Variants in GTF3C1 observed in about 807,000 individuals in gnomAD.
GTF3C1 encodes general transcription factor IIIC subunit 1, also known as general transcription factor 3C polypeptide 1.
GTF3C1 carries 57 observed loss-of-function variants against 226.7 expected under a neutral mutation model. The observed-to-expected ratio is 0.25, with a 90% CI of 0.20 to 0.31. GTF3C1 has a LOEUF of 0.31. GTF3C1 is among the 10% of genes least tolerant of loss of function. GTF3C1 has a pLI of 1.00. For synonymous variants in GTF3C1, 1,090 were observed against 1,084.8 expected, an observed-to-expected ratio of 1.00 and a Z score of -0.09; for missense variants, 2,217 against 2,776.1, an observed-to-expected ratio of 0.80 and a Z score of 4.53.
rs774885386 is a variant in GTF3C1 at position 27,533,357 on chromosome 16, C to T, written c.783G>A (p.Lys261=). 8 of 1,607,632 alleles carry T rather than the reference C, an allele frequency of 5.0e-6. No homozygotes were observed. The African/African-American group carries it at 8.0e-5, about 16-fold the overall frequency. The stretch of plus-strand genomic sequence containing the variant: ...TCCGTGTGCTCAGCATGACCGAAAG[C>T]TTCTCCATGAGGATGTCGTATTTGC... ...RRSKYDILME[K]LSVMLSTRTN... is the part of the protein sequence containing the mutation. Residue 261 remains lysine (K), a synonymous_variant, in exon 5 of 37, where the codon AAG becomes AAA. Coordinates refer to ENST00000356183, the MANE Select transcript of GTF3C1 (RefSeq NM_001520.4).
At chr16:27,542,476 G>A (rs1432609059) in intron 2 of GTF3C1, among the ~76,000 whole-genome samples, 1 of 151,800 alleles carries the variant, frequency 6.6e-6, no homozygotes, top group Non-Finnish European at 1.5e-5. Flanking sequence ...CAGGAGAATC[G>A]CTTTAACCTG....
At chr16:27,506,709 T>C (rs2088490462) in intron 9 of GTF3C1, 138 bp downstream of exon 9, 3 of 609,798 alleles carry the variant, frequency 4.9e-6, no homozygotes, top group Non-Finnish European at 5.8e-6. Context: ...GATGATGTGG[T>C]ACAAGTGACA....
chr16:27,539,137 C>T (rs530358283), intron 2 of GTF3C1, among the ~76,000 whole-genome samples: 1 of 151,352 alleles, frequency 6.6e-6, no homozygotes, highest in African/African-American at 2.4e-5. Flanking sequence ...AATAGGAGCT[C>T]TGTGTATATT....
chr16:27,537,667 C>T, intron 4 of GTF3C1, 117 bp downstream of exon 4: 1 of 707,710 alleles, frequency 1.4e-6, no homozygotes, highest in Admixed American at 2.6e-5. Context: ...CTCAGCCTCC[C>T]AAAGGGCTAT....
intron 10 of GTF3C1, among the ~76,000 whole-genome samples, chr16:27,505,273 T>C (rs2088467015): frequency 6.6e-6 from 1 of 152,276 alleles, no homozygotes. Context: ...TTTGACTTTA[T>C]TGTATCTATT....
At position 27,506,844 on chromosome 16, in the gene GTF3C1, T is replaced by C; in HGVS notation, c.1552+3A>G. On this transcript the variant is annotated splice_donor_region_variant and intron_variant, in intron 9 of 36. Coordinates refer to ENST00000356183, the MANE Select transcript of GTF3C1 (RefSeq NM_001520.4). ...GCCCCTGCCCACCCCACGTGCTCCCTACCCTTGGTTGGGGTGGAGTGATGA... is the reference window on the plus strand; with the variant it reads ...GCCCCTGCCCACCCCACGTGCTCCCCACCCTTGGTTGGGGTGGAGTGATGA... The C allele has an allele frequency of 6.2e-7, 1 of 1,601,060 alleles. No homozygotes were observed. Among genetic ancestry groups the C allele is most frequent in the Non-Finnish European group, 8.5e-7 (1 of 1,172,962 alleles).
In GTF3C1 at chr16:27,470,954, C is replaced by T. The variant is rs1055917689; in HGVS notation, c.4527-559G>A. ...GGACATGCGGTCAGAGCAGTGTCTCCGTGACAAATGGCCTTGTTGGATTTG... is the reference window on the plus strand; with the variant it reads ...GGACATGCGGTCAGAGCAGTGTCTCTGTGACAAATGGCCTTGTTGGATTTG... On this transcript the variant is annotated intron_variant, in intron 30 of 36. Transcript: ENST00000356183. This position sits in a 1 kb window ranked among gnomAD's most constrained non-coding sequence, Gnocchi z 4.9. 5.9e-5 allele frequency among the ~76,000 whole-genome samples: 9 copies of T among 152,338 alleles called. No homozygotes were observed. The highest frequency in any genetic ancestry group is 1.9e-4 in the East Asian group (1 of 5,190).
intron 32 of GTF3C1, among the ~76,000 whole-genome samples, chr16:27,468,446 T>C (rs12933047): frequency 0.12 from 17,128 of 148,442 alleles, 1,236 homozygotes; most frequent in Middle Eastern, 0.24. Flanking sequence ...GCCCCGTCTC[T>C]ACAAAAAATT....
chr16:27,546,430 T>C (rs953878296), intron 1 of GTF3C1, among the ~76,000 whole-genome samples: 4 of 151,346 alleles, frequency 2.6e-5, no homozygotes, highest in Non-Finnish European at 5.9e-5. Flanking sequence ...TGGAGACATT[T>C]TTCATTTGTG....
chr16:27,462,474 A>G lies in GTF3C1; in HGVS notation c.5937T>C (p.Ser1979=). ...GCCACGGCCGGCCGATGAAGCAGACACTCTCACAGTCCCTGCAGGGAGAGG... is the reference window on the plus strand; with the variant it reads ...GCCACGGCCGGCCGATGAAGCAGACGCTCTCACAGTCCCTGCAGGGAGAGG... ...SQAARERDCE[S]VCFIGRPWRV... Residue 1979 remains serine (S), a synonymous_variant, in exon 36 of 37, where the codon AGT becomes AGC. Transcript: ENST00000356183. The surrounding 1 kb of genome is among the most constrained non-coding windows in gnomAD (Gnocchi z 4.5). 1 of 1,612,998 alleles carries G rather than the reference A, an allele frequency of 6.2e-7. No individual in the cohort carries two copies. Among genetic ancestry groups the G allele is most frequent in the African/African-American group, 1.3e-5 (1 of 74,834 alleles).
chr16:27,487,237 C>T (rs1301119511), intron 23 of GTF3C1, among the ~76,000 whole-genome samples: 3 of 152,238 alleles, frequency 2.0e-5, no homozygotes, highest in Non-Finnish European at 4.4e-5. Flanking sequence ...GCCATTTCAA[C>T]TGATGGAATG....
chr16:27,538,124 G>A (rs2089027963), intron 3 of GTF3C1, 56 bp downstream of exon 3: 1 of 1,295,248 alleles, frequency 7.7e-7, no homozygotes, highest in Admixed American at 2.3e-5. Flanking sequence ...CTGCATTTGG[G>A]ATTCAGGGTG....
At chr16:27,539,374 C>T (rs1244945207) in intron 2 of GTF3C1, among the ~76,000 whole-genome samples, 1 of 152,156 alleles carries the variant, frequency 6.6e-6, no homozygotes, top group Non-Finnish European at 1.5e-5. Flanking sequence ...TGAGGACAGC[C>T]CAAGTGAGAA....
At position 27,488,646 on chromosome 16, in the gene GTF3C1, A is replaced by G. The variant is rs774626722; in HGVS notation, c.3430-11T>C. On this transcript the variant is annotated splice_polypyrimidine_tract_variant and intron_variant, in intron 21 of 36. Transcript: ENST00000356183. ...TGCGGCAGTGTTCTCCTGTGAGACA[A>G]GCACAGCACTGGGATGAAGCATGAG... 1.2e-6 allele frequency: 2 copies of G among 1,601,738 alleles called. No individual in the cohort carries two copies. Among genetic ancestry groups the G allele is most frequent in the South Asian group, 2.2e-5 (2 of 90,866 alleles).
chr16:27,529,784 C>T (rs2088887339), intron 5 of GTF3C1, among the ~76,000 whole-genome samples: 1 of 152,214 alleles, frequency 6.6e-6, no homozygotes, highest in African/African-American at 2.4e-5. Context: ...TGCTCTTCAG[C>T]AGGGCCCACC....
chr16:27,536,996 G>A (rs2089010358), intron 4 of GTF3C1, among the ~76,000 whole-genome samples: 2 of 152,148 alleles, frequency 1.3e-5, no homozygotes, highest in South Asian at 4.1e-4. Flanking sequence ...CAGTCTCCCT[G>A]GTCCTCAGAA....
At chr16:27,465,583 C>A (rs752049176) in intron 32 of GTF3C1, 43 bp from the exon 33 acceptor site, 5 of 1,504,192 alleles carry the variant, frequency 3.3e-6, no homozygotes, top group Admixed American at 3.7e-5. Flanking sequence ...CCGACAGAGG[C>A]CCCCCTCCCC....
At chr16:27,512,947 G>A (rs142280232) in intron 6 of GTF3C1, among the ~76,000 whole-genome samples, 187 of 152,244 alleles carry the variant, frequency 1.2e-3, no homozygotes, top group African/African-American at 4.0e-3. Flanking sequence ...TGTGATACGC[G>A]ACAACCTGGA....
In GTF3C1 at chr16:27,483,387, C is replaced by T. The variant is rs1321216353; in HGVS notation, c.4002-262G>A. Reference sequence around the variant, plus strand: ...CATAGGTAACCGAGAACACTGAGTCCCAAACTGTCTCTCACAGGGGTTTGT... The same window carrying T: ...CATAGGTAACCGAGAACACTGAGTCTCAAACTGTCTCTCACAGGGGTTTGT... On this transcript the variant is annotated intron_variant, in intron 25 of 36. Transcript: ENST00000356183. 7 of 601,322 alleles carry T rather than the reference C, an allele frequency of 1.2e-5. No individual in the cohort carries two copies. In the Admixed American group the frequency reaches 1.3e-4, roughly 11 times the overall value. 37.2% of individuals were successfully genotyped at this position (601,322 alleles called of 1,614,324 possible). A position where few individuals can be genotyped will look rare whatever the true frequency, so the allele number is the denominator to read the frequency against.
Sources: gnomAD v4.1 joint callset for allele counts (sites outside exome capture counted in the v4.1 genomes callset) on GRCh38, gnomAD v4.1.1 for gene constraint, Gnocchi (gnomAD v3.1) non-coding constraint, MANE v1.5 for transcripts, NCBI Gene and HGNC (gene_info 2026-07-23, HGNC 2026-07-21) for gene names.